CCDC7: variants seen among roughly 807,000 people sequenced by gnomAD.
The protein encoded by CCDC7 is coiled-coil domain-containing protein 7.
In CCDC7, 183 loss-of-function variants were observed where a neutral mutation model predicts 196.9. That is an observed-to-expected ratio of 0.93 (90% CI 0.82 to 1.05). The LOEUF (loss-of-function observed/expected upper bound fraction) is 1.05, where lower values mean the gene tolerates loss of function less well. Among genes scored for constraint, CCDC7 ranks in the 50% least tolerant of loss-of-function variants. The pLI, the probability that CCDC7 is intolerant of heterozygous loss-of-function variation, is 0.00. For missense variants in CCDC7, 1,540 were observed against 1,482.2 expected (o/e 1.04, Z -0.64); for synonymous variants, 525 against 484.6 (o/e 1.08, Z -1.10).
chr10:32,472,664 C>T lies in CCDC7; in HGVS notation c.739+122C>T, dbSNP rs12415588. ...TGCTGGAGTGTAGTGGCATGAATAT[C>T]GCTCACTGCAGCCTCAAACTCTTGG... is the stretch of plus-strand genomic sequence containing the variant. On this transcript the variant is annotated intron_variant, in intron 7 of 41. Coordinates refer to ENST00000639629, the Ensembl canonical transcript of CCDC7. 2.3e-4 allele frequency: 193 copies of T among 855,114 alleles called. No individual in the cohort carries two copies. In the African/African-American group the frequency reaches 2.7e-3, roughly 12 times the overall value. 53.0% of individuals were successfully genotyped at this position (855,114 alleles called of 1,614,324 possible). A position where few individuals can be genotyped will look rare whatever the true frequency, so the allele number is the denominator to read the frequency against.
intron 11 of CCDC7, among the ~76,000 whole-genome samples, chr10:32,523,896 C>G (rs1353910203): frequency 6.6e-6 from 1 of 151,606 alleles, no homozygotes; most frequent in East Asian, 1.9e-4. Context: ...TTCTTGTAGG[C>G]AACAAATTAT....
intron 20 of CCDC7, among the ~76,000 whole-genome samples, chr10:32,654,093 A>G (rs1026268839): frequency 1.3e-5 from 2 of 152,148 alleles, no homozygotes; most frequent in Non-Finnish European, 2.9e-5. Context: ...TGTCTTTTAA[A>G]ATAGTCCTTT....
chr10:32,762,335 T>G (rs1056369273), intron 28 of CCDC7, among the ~76,000 whole-genome samples: 1 of 151,744 alleles, frequency 6.6e-6, no homozygotes, highest in Non-Finnish European at 1.5e-5. Flanking sequence ...GAATCTAGTT[T>G]ATTCCTGGAA....
intron 20 of CCDC7, among the ~76,000 whole-genome samples, chr10:32,653,998 C>G (rs1171191413): frequency 1.3e-5 from 2 of 152,132 alleles, no homozygotes; most frequent in African/African-American, 4.8e-5. Flanking sequence ...TTCTGAGGCT[C>G]TGTTAATTTG....
chr10:32,679,031 A>T, intron 21 of CCDC7, among the ~76,000 whole-genome samples: 1 of 151,946 alleles, frequency 6.6e-6, no homozygotes. Context: ...ATTTTTTTTG[A>T]TTCATGAATA....
At chr10:32,672,100 C>A (rs1009589624) in intron 21 of CCDC7, among the ~76,000 whole-genome samples, 3 of 152,112 alleles carry the variant, frequency 2.0e-5, no homozygotes, top group African/African-American at 7.2e-5. Flanking sequence ...AGATGTGAAG[C>A]ACAGGAATGT....
At chr10:32,748,625 T>A (rs975664161) in intron 28 of CCDC7, among the ~76,000 whole-genome samples, 20 of 152,166 alleles carry the variant, frequency 1.3e-4, no homozygotes, top group African/African-American at 4.8e-4. Flanking sequence ...TCTTCTATAA[T>A]CTTATGGTTA....
At chr10:32,738,713 A>G (rs1298199410) in intron 28 of CCDC7, among the ~76,000 whole-genome samples, 3 of 151,782 alleles carry the variant, frequency 2.0e-5, no homozygotes, top group African/African-American at 7.3e-5. Flanking sequence ...AGCTCAAGCA[A>G]TCCATCTGCT....
chr10:32,757,487 T>C (rs1220799100), intron 28 of CCDC7, among the ~76,000 whole-genome samples: 3 of 152,218 alleles, frequency 2.0e-5, no homozygotes, highest in Non-Finnish European at 4.4e-5. Context: ...CTAAACAATC[T>C]GCTTCTGAAT....
intron 28 of CCDC7, among the ~76,000 whole-genome samples, chr10:32,776,596 T>C (rs890192477): frequency 7.9e-5 from 12 of 152,332 alleles, no homozygotes; most frequent in Admixed American, 7.2e-4. Context: ...ATAAGTTCTA[T>C]TTCCCTCATC....
At chr10:32,495,289 A>G (rs1329262789) in intron 9 of CCDC7, among the ~76,000 whole-genome samples, 3 of 152,186 alleles carry the variant, frequency 2.0e-5, no homozygotes, top group Admixed American at 2.0e-4. Context: ...TCTGGATATT[A>G]GCCCTTTGTA....
chr10:32,801,196 G>A (rs1009206827), intron 29 of CCDC7, among the ~76,000 whole-genome samples: 3 of 152,152 alleles, frequency 2.0e-5, no homozygotes, highest in Admixed American at 6.5e-5. Flanking sequence ...TCTATTTCTC[G>A]AAGTATTGGT....
intron 9 of CCDC7, among the ~76,000 whole-genome samples, chr10:32,504,435 C>G (rs2044567496): frequency 6.6e-6 from 1 of 152,024 alleles, no homozygotes; most frequent in African/African-American, 2.4e-5. Flanking sequence ...TTGTAATTTT[C>G]TTCCTTCTAT....
chr10:32,854,483 T>C, exon 41 of CCDC7: 1 of 1,539,374 alleles, frequency 6.5e-7, no homozygotes, highest in South Asian at 1.1e-5. Flanking sequence ...AAAACCTACC[T>C]ATAAAGGTAA....
chr10:32,472,364 T>G (rs2038120877), intron 6 of CCDC7, 117 bp from the exon 8 acceptor site: 1 of 938,798 alleles, frequency 1.1e-6, no homozygotes, highest in South Asian at 3.4e-5. Context: ...AAGATATGTT[T>G]AATTTTTATT....
intron 21 of CCDC7, among the ~76,000 whole-genome samples, chr10:32,668,566 A>AT (rs1565052698): frequency 6.6e-6 from 1 of 152,064 alleles, no homozygotes; most frequent in African/African-American, 2.4e-5. Context: ...TTTATTGAGA[A>AT]TTTTTTAGCA....
chr10:32,566,612 A>C (rs1589978054), intron 14 of CCDC7, among the ~76,000 whole-genome samples: 2 of 152,072 alleles, frequency 1.3e-5, no homozygotes, highest in Non-Finnish European at 2.9e-5. Flanking sequence ...CAATTTAGAT[A>C]AACATTTAAA....
At chr10:32,711,643 A>T (rs2080857397) in exon 25 of CCDC7, 1 of 1,589,660 alleles carries the variant, frequency 6.3e-7, no homozygotes. Flanking sequence ...ATCAGGTGAA[A>T]ATCCTATGCT....
chr10:32,447,509 G>T (rs575446592), upstream of CCDC7, among the ~76,000 whole-genome samples: 1 of 152,208 alleles, frequency 6.6e-6, no homozygotes, highest in Admixed American at 6.5e-5. Context: ...TTCTTTTGAG[G>T]CTTTTCAATT....
Sources: gnomAD v4.1 joint callset for allele counts (sites outside exome capture counted in the v4.1 genomes callset) on GRCh38, gnomAD v4.1.1 for gene constraint, MANE v1.5 for transcripts, NCBI Gene and HGNC (gene_info 2026-07-23, HGNC 2026-07-21) for gene names.